The following CDH13 variants were observed in gnomAD, a reference collection of about 807,000 sequenced individuals.
The protein encoded by CDH13 is cadherin 13.
A neutral mutation model predicts 63.8 loss-of-function variants in CDH13; 24 were observed. The observed-to-expected ratio is 0.38, with a 90% CI of 0.27 to 0.53. The LOEUF (loss-of-function observed/expected upper bound fraction) is 0.53, where lower values mean the gene tolerates loss of function less well. CDH13 is among the 20% of genes least tolerant of loss of function. The probability of loss-of-function intolerance (pLI) is 0.85; values close to 1 mark genes in which losing one functional copy is unlikely to be tolerated. For missense variants in CDH13, 1,049 were observed against 903.1 expected, an observed-to-expected ratio of 1.16 and a Z score of -2.07; for synonymous variants, 503 against 355.3, an observed-to-expected ratio of 1.42 and a Z score of -4.67.
chr16:83,121,792 A>G (rs2035588706), intron 3 of CDH13, among the ~76,000 whole-genome samples: 1 of 152,210 alleles, frequency 6.6e-6, no homozygotes, highest in Non-Finnish European at 1.5e-5. Context: ...GGATATGTGC[A>G]TTCATAAAGC....
At chr16:82,858,198 C>A (rs565980345) in intron 1 of CDH13, among the ~76,000 whole-genome samples, 164 bp from the exon 2 acceptor site, 2 of 152,154 alleles carry the variant, frequency 1.3e-5, no homozygotes, top group African/African-American at 4.8e-5. Context: ...ATCTCAGTGC[C>A]AAAAAGAATT....
chr16:82,644,961 TG>T lies in CDH13; in HGVS notation c.45+17826del, dbSNP rs1909911977. Reference sequence around the variant, plus strand: ...TATAAACTAATATTTTGGAAAACTCTGGAGTTAGAGAAGTGGACCAGATTGG... The same window carrying T: ...TATAAACTAATATTTTGGAAAACTCTGAGTTAGAGAAGTGGACCAGATTGG... On this transcript the variant is annotated intron_variant, in intron 1 of 13. Coordinates refer to ENST00000567109, the MANE Select transcript of CDH13 (RefSeq NM_001257.5). The surrounding 1 kb of genome is among the most constrained non-coding windows in gnomAD (Gnocchi z 5.7). Among the ~76,000 whole-genome samples, 2 of 152,334 alleles carry T rather than the reference TG, an allele frequency of 1.3e-5. No homozygotes were observed. Among genetic ancestry groups the T allele is most frequent in the Admixed American group, 1.3e-4 (2 of 15,302 alleles).
In CDH13 at chr16:83,014,944, A is replaced by C. The variant is rs371522956; in HGVS notation, c.158-17066A>C. 4.2e-4 allele frequency among the ~76,000 whole-genome samples: 63 copies of C among 148,642 alleles called. No individual in the cohort carries two copies. In the South Asian group the frequency reaches 0.012, roughly 29 times the overall value. On this transcript the variant is annotated intron_variant, in intron 2 of 13. Coordinates refer to ENST00000567109, the MANE Select transcript of CDH13 (RefSeq NM_001257.5). ...CACAGTTGGTAATTAATGAAACGGA[A>C]AACCTCAGTGTTCAGCAATAGGGAA...
At chr16:82,992,595 A>G (rs781750864) in intron 2 of CDH13, among the ~76,000 whole-genome samples, 5 of 152,194 alleles carry the variant, frequency 3.3e-5, no homozygotes, top group African/African-American at 4.8e-5. Context: ...AGCTTTAACT[A>G]AATGTTTGTA....
At chr16:83,460,031 A>G (rs1002031832) in intron 6 of CDH13, among the ~76,000 whole-genome samples, 1 of 152,256 alleles carries the variant, frequency 6.6e-6, no homozygotes, top group African/African-American at 2.4e-5. Flanking sequence ...ATCAGTAACA[A>G]GATTATATAA....
intron 8 of CDH13, among the ~76,000 whole-genome samples, chr16:83,651,035 A>G (rs1024901126): frequency 1.3e-5 from 2 of 152,030 alleles, no homozygotes; most frequent in African/African-American, 4.8e-5. Context: ...CGGGAGGTCA[A>G]GGCTGCAGTG....
intron 7 of CDH13, among the ~76,000 whole-genome samples, chr16:83,496,271 T>G (rs2074141871): frequency 6.8e-6 from 1 of 147,824 alleles, no homozygotes. Context: ...ACTACAAGGC[T>G]ACAGTAACCA....
intron 8 of CDH13, among the ~76,000 whole-genome samples, chr16:83,631,747 A>C (rs1018404847): frequency 1.3e-5 from 2 of 152,188 alleles, no homozygotes; most frequent in South Asian, 4.1e-4. Flanking sequence ...TCCCGGCAGC[A>C]GTCTGTCTGC....
chr16:83,760,853 C>G (rs777533007), intron 11 of CDH13, among the ~76,000 whole-genome samples: 13 of 152,216 alleles, frequency 8.5e-5, no homozygotes, highest in Non-Finnish European at 1.9e-4. Context: ...CAAGTACCTT[C>G]TGAGCATTTA....
intron 5 of CDH13, among the ~76,000 whole-genome samples, chr16:83,274,078 A>T (rs2088908556): frequency 6.6e-6 from 1 of 152,174 alleles, no homozygotes; most frequent in South Asian, 2.1e-4. Flanking sequence ...TCTTCAAGCC[A>T]ATCTTACACC....
chr16:83,027,754 C>A (rs1009970085), intron 2 of CDH13, among the ~76,000 whole-genome samples: 3 of 152,176 alleles, frequency 2.0e-5, no homozygotes, highest in African/African-American at 4.8e-5. Flanking sequence ...ATTCTAACTT[C>A]CTTCAATTCT....
Position 83,795,125 on chromosome 16 carries a change from C to G in CDH13, c.*95C>G, listed in dbSNP as rs777074757. 6.5e-6 allele frequency: 7 copies of G among 1,078,358 alleles called. No individual in the cohort carries two copies. Among genetic ancestry groups the G allele is most frequent in the Non-Finnish European group, 4.0e-6 (3 of 742,050 alleles). 66.8% of individuals were successfully genotyped at this position (1,078,358 alleles called of 1,614,324 possible). On this transcript the variant is annotated 3_prime_UTR_variant, in exon 14 of 14. Transcript: ENST00000567109. ...TCTGAAGATTGCGGTTTACAGCTAT[C>G]GAACTTCACAACTAGGCCTCAATTG... is the stretch of plus-strand genomic sequence containing the variant.
intron 3 of CDH13, among the ~76,000 whole-genome samples, chr16:83,058,266 G>T (rs957113471): frequency 6.6e-6 from 1 of 152,112 alleles, no homozygotes; most frequent in Non-Finnish European, 1.5e-5. Context: ...GGTTACTGGG[G>T]AAAAACTGGA....
intron 3 of CDH13, among the ~76,000 whole-genome samples, chr16:83,048,428 T>C (rs1373444069): frequency 6.6e-6 from 1 of 152,194 alleles, no homozygotes; most frequent in Non-Finnish European, 1.5e-5. Context: ...GCCAACTCCC[T>C]CTCTGCAGGT....
At chr16:83,779,196 G>A (rs1915331002) in intron 11 of CDH13, among the ~76,000 whole-genome samples, 1 of 151,878 alleles carries the variant, frequency 6.6e-6, no homozygotes, top group South Asian at 2.1e-4. Context: ...CACGAGGTCA[G>A]GAGTTTGAGA....
intron 3 of CDH13, among the ~76,000 whole-genome samples, chr16:83,105,081 T>A (rs904513627): frequency 6.6e-6 from 1 of 152,170 alleles, no homozygotes; most frequent in Non-Finnish European, 1.5e-5. Context: ...ACGTGTGCCA[T>A]GGCGGTTTGC....
At chr16:83,619,308 A>G (rs1555587302) in intron 8 of CDH13, among the ~76,000 whole-genome samples, 1 of 152,114 alleles carries the variant, frequency 6.6e-6, no homozygotes, top group Non-Finnish European at 1.5e-5. Flanking sequence ...ATCCTGAATG[A>G]CCCCTCATGA....
intron 7 of CDH13, among the ~76,000 whole-genome samples, chr16:83,521,937 C>T (rs549497873): frequency 2.0e-5 from 3 of 151,888 alleles, no homozygotes; most frequent in East Asian, 3.9e-4. Context: ...GTAGAGTCTG[C>T]CCTTGAAACA....
chr16:83,144,505 AC>A (rs1269319352), intron 4 of CDH13, among the ~76,000 whole-genome samples: 3 of 152,236 alleles, frequency 2.0e-5, no homozygotes, highest in African/African-American at 7.2e-5. Flanking sequence ...TATAATCACC[AC>A]GAGACAAGGT....
Sources: gnomAD v4.1 joint callset for allele counts (sites outside exome capture counted in the v4.1 genomes callset) on GRCh38, gnomAD v4.1.1 for gene constraint, Gnocchi (gnomAD v3.1) non-coding constraint, MANE v1.5 for transcripts, NCBI Gene and HGNC (gene_info 2026-07-23, HGNC 2026-07-21) for gene names.